KCNK1: variants seen among roughly 807,000 people sequenced by gnomAD.
KCNK1 encodes potassium channel subfamily K member 1.
Under a neutral mutation model 22.2 loss-of-function variants are expected in KCNK1, and 10 were observed. The observed-to-expected ratio is 0.45, with a 90% CI of 0.28 to 0.76. KCNK1 has a LOEUF of 0.76. Ranked by LOEUF, KCNK1 falls within the 30% of genes least tolerant of loss-of-function variation. The pLI, the probability that KCNK1 is intolerant of heterozygous loss-of-function variation, is 0.14. For synonymous variants in KCNK1, 200 were observed against 186.4 expected (o/e 1.07, Z -0.60); for missense variants, 378 against 421.0 (o/e 0.90, Z 0.89).
intron 1 of KCNK1, among the ~76,000 whole-genome samples, chr1:233,650,237 C>T (rs960699507): frequency 1.3e-5 from 2 of 152,066 alleles, no homozygotes; most frequent in East Asian, 1.9e-4. Flanking sequence ...TTTGAGAGAG[C>T]GCATTTGGAT....
chr1:233,665,563 GACA>G (rs1290932893), intron 1 of KCNK1, among the ~76,000 whole-genome samples: 1 of 128,792 alleles, frequency 7.8e-6, no homozygotes, highest in Non-Finnish European at 1.7e-5. Context: ...AGAGAAAAGG[GACA>G]AGAAGAAGGG....
intron 1 of KCNK1, among the ~76,000 whole-genome samples, chr1:233,620,106 T>G (rs1657556792): frequency 1.3e-5 from 2 of 152,246 alleles, no homozygotes; most frequent in South Asian, 4.1e-4. Flanking sequence ...CAGTCAAGTT[T>G]TATGAAAATC....
intron 1 of KCNK1, chr1:233,631,291 G>T: frequency 1.9e-6 from 1 of 531,578 alleles, no homozygotes. Context: ...ATGAAAGGTT[G>T]TCACTCACTG....
chr1:233,667,729 CAAAAAAAAAAAA>C (rs71170433), intron 2 of KCNK1, among the ~76,000 whole-genome samples: 5 of 86,094 alleles, frequency 5.8e-5, no homozygotes, highest in Non-Finnish European at 6.2e-5. Context: ...GACTCCGTCT[CAAAAAAAAAAAA>C]AAAAAAAAAA....
intron 1 of KCNK1, among the ~76,000 whole-genome samples, chr1:233,648,832 G>C (rs1383522866): frequency 6.6e-6 from 1 of 152,182 alleles, no homozygotes; most frequent in East Asian, 1.9e-4. Context: ...CCCCCAAAGT[G>C]CTGGGATTAT....
intron 1 of KCNK1, among the ~76,000 whole-genome samples, chr1:233,623,727 C>T (rs1657633455): frequency 6.6e-6 from 1 of 152,008 alleles, no homozygotes; most frequent in Non-Finnish European, 1.5e-5. Flanking sequence ...TAACTGGGAC[C>T]ACAGGCGCAT....
chr1:233,625,292 G>A (rs1009477813), intron 1 of KCNK1, among the ~76,000 whole-genome samples: 1 of 152,198 alleles, frequency 6.6e-6, no homozygotes, highest in African/African-American at 2.4e-5. Context: ...GTGTGGGGCA[G>A]CACCCTCTCT....
rs758961946 is a variant in KCNK1 at position 233,666,840 on chromosome 1, G to A, written c.601G>A (p.Ala201Thr). The A allele has an allele frequency of 1.1e-5, 17 of 1,613,958 alleles. No individual in the cohort carries two copies. The East Asian group carries it at 1.1e-4, about 11-fold the overall frequency. The change falls in exon 2 of 3, where the codon GCT becomes ACT. Residue 201 changes from alanine (A) to threonine (T), a missense_variant. Physicochemically the swap from Ala to Thr is moderately conservative, Grantham distance 58. Transcript: ENST00000366621. ...TVSCFFFIPA[A>T]VFSVLEDDWN... ...GTCCTGCTTCTTCTTCATCCCGGCCGCTGTCTTCTCAGTCCTGGAGGATGA... is the reference window on the plus strand; with the variant it reads ...GTCCTGCTTCTTCTTCATCCCGGCCACTGTCTTCTCAGTCCTGGAGGATGA...
At chr1:233,618,130 G>C (rs1284091497) in intron 1 of KCNK1, among the ~76,000 whole-genome samples, 3 of 152,162 alleles carry the variant, frequency 2.0e-5, no homozygotes, top group Non-Finnish European at 4.4e-5. Flanking sequence ...CAGGGAAGAA[G>C]GTTAAGAGGA....
chr1:233,627,445 G>A (rs1013123963), intron 1 of KCNK1, among the ~76,000 whole-genome samples: 7 of 152,218 alleles, frequency 4.6e-5, no homozygotes, highest in Admixed American at 1.3e-4. Context: ...TGGAGAGGCT[G>A]TTCCGCAGCT....
chr1:233,634,764 A>G (rs1188813722), intron 1 of KCNK1, among the ~76,000 whole-genome samples: 1 of 152,224 alleles, frequency 6.6e-6, no homozygotes, highest in Non-Finnish European at 1.5e-5. Flanking sequence ...CTTCCTTAGA[A>G]TCACTTAATG....
rs140732701 is a variant in KCNK1, at chr1:233,650,273, C to T, written c.356-16322C>T. Among the ~76,000 whole-genome samples the T allele has an allele frequency of 5.5e-3, 843 of 152,270 alleles. 6 individuals are homozygous for T. The highest frequency in any genetic ancestry group is 0.019 in the African/African-American group (772 of 41,528). ...TTTTCTGTTGGGGAGTCATTGTAGT[C>T]ATTCTAAACTACAGAGTGGCCACAC... On this transcript the variant is annotated intron_variant, in intron 1 of 2. Coordinates refer to ENST00000366621, the MANE Select transcript of KCNK1 (RefSeq NM_002245.4).
chr1:233,621,049 G>A (rs532015054), intron 1 of KCNK1, among the ~76,000 whole-genome samples: 92 of 152,304 alleles, frequency 6.0e-4, no homozygotes, highest in African/African-American at 2.1e-3. Flanking sequence ...GTCTTAATTT[G>A]AATGCAGTTA....
chr1:233,634,190 C>G (rs777207399), intron 1 of KCNK1, among the ~76,000 whole-genome samples: 19 of 151,708 alleles, frequency 1.3e-4, no homozygotes, highest in Non-Finnish European at 2.4e-4. Context: ...CCTGTAATCC[C>G]AGCTACTTGG....
intron 1 of KCNK1, chr1:233,631,333 GA>G (rs771461935): frequency 3.8e-6 from 2 of 526,502 alleles, no homozygotes; most frequent in African/African-American, 3.9e-5. Context: ...TGTTGGGGAA[GA>G]ATGGGAATCA....
At chr1:233,663,346 G>A (rs905543633) in intron 1 of KCNK1, among the ~76,000 whole-genome samples, 3 of 152,184 alleles carry the variant, frequency 2.0e-5, no homozygotes, top group African/African-American at 7.2e-5. Flanking sequence ...ACTGCAGAGA[G>A]AGGTCTTAGA....
intron 2 of KCNK1, 57 bp downstream of exon 2, chr1:233,667,047 T>G (rs1571906205): frequency 7.8e-7 from 1 of 1,277,484 alleles, no homozygotes; most frequent in Non-Finnish European, 1.0e-6. Flanking sequence ...ATTTATTTAT[T>G]TATTTATTTA....
intron 1 of KCNK1, among the ~76,000 whole-genome samples, chr1:233,638,832 T>A (rs1219851706): frequency 6.6e-6 from 1 of 152,236 alleles, no homozygotes; most frequent in South Asian, 2.1e-4. Context: ...GGAACTCATA[T>A]GATTCTGCTG....
chr1:233,622,861 G>A (rs1657615618), intron 1 of KCNK1, among the ~76,000 whole-genome samples: 1 of 152,136 alleles, frequency 6.6e-6, no homozygotes, highest in Admixed American at 6.5e-5. Flanking sequence ...ATTTGCTACC[G>A]TCTGCTTGAT....
Sources: gnomAD v4.1 joint callset for allele counts (sites outside exome capture counted in the v4.1 genomes callset) on GRCh38, gnomAD v4.1.1 for gene constraint, MANE v1.5 for transcripts, NCBI Gene and HGNC (gene_info 2026-07-23, HGNC 2026-07-21) for gene names.